Variants in C10orf90 observed in about 807,000 individuals in gnomAD.
C10orf90 encodes the protein (E2-independent) E3 ubiquitin-conjugating enzyme FATS.
In C10orf90, 56 loss-of-function variants were observed where a neutral mutation model predicts 62.5. That is an observed-to-expected ratio of 0.90 (90% CI 0.72 to 1.12). The LOEUF (loss-of-function observed/expected upper bound fraction) is 1.12. C10orf90 is among the 50% of genes most tolerant of loss of function. C10orf90 has a pLI of 0.00. For synonymous variants in C10orf90, 386 were observed against 340.4 expected, an observed-to-expected ratio of 1.13 and a Z score of -1.47; for missense variants, 970 against 880.4, an observed-to-expected ratio of 1.10 and a Z score of -1.29.
Position 126,450,620 on chromosome 10 carries a change from T to G in C10orf90, c.2188+8420A>C, listed in dbSNP as rs547217004. Among the ~76,000 whole-genome samples, 7 of 152,330 alleles carry G rather than the reference T, an allele frequency of 4.6e-5. No individual in the cohort carries two copies. The South Asian group carries it at 1.5e-3, about 32-fold the overall frequency. ...GGAAAATCTCTTCAACAAATTGAGT[T>G]GGGAAGATTGGATATCCACATGCAG... On this transcript the variant is annotated intron_variant, in intron 7 of 9. Transcript: ENST00000488181.
At position 126,531,008 on chromosome 10, in the gene C10orf90, T is replaced by C. The variant is rs576814893; in HGVS notation, c.314-17069A>G. Reference sequence around the variant, plus strand: ...GGCCAACATGGTGAAACCCTGTCTCTACTAAAAATACAAAAATTAGCCGGG... The same window carrying C: ...GGCCAACATGGTGAAACCCTGTCTCCACTAAAAATACAAAAATTAGCCGGG... On this transcript the variant is annotated intron_variant, in intron 2 of 9. Transcript: ENST00000488181. Among the ~76,000 whole-genome samples, 56 of 151,902 alleles carry C rather than the reference T, an allele frequency of 3.7e-4. 1 individual carries two copies. The highest frequency in any genetic ancestry group is 1.1e-3 in the African/African-American group (46 of 41,452).
At chr10:126,570,212 C>T (rs959728414) in intron 2 of C10orf90, among the ~76,000 whole-genome samples, 8 of 152,168 alleles carry the variant, frequency 5.3e-5, no homozygotes, top group East Asian at 1.9e-4. Context: ...TTTATGCCTG[C>T]GACTCAGAAA....
At chr10:126,565,313 T>A (rs1168808309) in intron 2 of C10orf90, among the ~76,000 whole-genome samples, 3 of 59,002 alleles carry the variant, frequency 5.1e-5, no homozygotes, top group Non-Finnish European at 8.4e-5. Flanking sequence ...TATATTATAT[T>A]ATATATATTA....
intron 4 of C10orf90, chr10:126,470,185 C>CTGCACGT (rs1486725640): frequency 2.5e-6 from 1 of 396,508 alleles, no homozygotes; most frequent in Admixed American, 2.7e-5. Flanking sequence ...AGGCATTTTT[C>CTGCACGT]TGCATGTTGC....
chr10:126,477,092 T>C (rs866241352), intron 4 of C10orf90, among the ~76,000 whole-genome samples: 147 of 74,526 alleles, frequency 2.0e-3, no homozygotes, highest in African/African-American at 8.7e-3. Flanking sequence ...TTTTTTTTTT[T>C]TTTTTTTTTT....
At chr10:126,633,361 C>T (rs1473089104) in intron 2 of C10orf90, among the ~76,000 whole-genome samples, 1 of 152,234 alleles carries the variant, frequency 6.6e-6, no homozygotes, top group Non-Finnish European at 1.5e-5. Context: ...AGGTCACCAG[C>T]CCCTGCTGGC....
intron 7 of C10orf90, 74 bp from the exon 8 acceptor site, chr10:126,429,924 A>G (rs1857474911): frequency 7.7e-7 from 1 of 1,306,812 alleles, no homozygotes; most frequent in Non-Finnish European, 1.1e-6. Context: ...CATTGTGATT[A>G]GTTCATAATC....
intron 2 of C10orf90, among the ~76,000 whole-genome samples, chr10:126,530,435 G>C (rs1050836568): frequency 2.6e-5 from 4 of 151,686 alleles, no homozygotes; most frequent in Admixed American, 1.3e-4. Context: ...AGGATAATAA[G>C]AGAACATTAT....
chr10:126,662,701 G>T (rs563474479), intron 1 of C10orf90, among the ~76,000 whole-genome samples: 105 of 152,258 alleles, frequency 6.9e-4, no homozygotes, highest in Non-Finnish European at 1.0e-3. Flanking sequence ...TAAAGAATGT[G>T]CCCAGAGGTC....
intron 2 of C10orf90, among the ~76,000 whole-genome samples, chr10:126,576,676 TAC>T (rs376290611): frequency 0.063 from 2,600 of 40,994 alleles, 668 homozygotes; most frequent in African/African-American, 0.16. Flanking sequence ...TATATATGTA[TAC>T]ATATACATAT....
rs146752309 is a variant in C10orf90 at position 126,651,265 on chromosome 10, T to C, written c.241-4628A>G. On this transcript the variant is annotated intron_variant, in intron 1 of 9. Coordinates refer to ENST00000488181, the MANE Select transcript of C10orf90 (RefSeq NM_001350921.2). ...TCCTAATCTGCAATGCTAACATGCATAAAGCTCTGTATTCCGAGAGTTTTT... is the reference window on the plus strand; with the variant it reads ...TCCTAATCTGCAATGCTAACATGCACAAAGCTCTGTATTCCGAGAGTTTTT... Among the ~76,000 whole-genome samples the C allele has an allele frequency of 1.2e-3, 181 of 152,314 alleles. 4 individuals carry two copies. In the Middle Eastern group the frequency reaches 0.031, roughly 26 times the overall value.
At chr10:126,570,425 C>A (rs1010882502) in intron 2 of C10orf90, among the ~76,000 whole-genome samples, 1 of 152,194 alleles carries the variant, frequency 6.6e-6, no homozygotes, top group African/African-American at 2.4e-5. Context: ...TATTATGACC[C>A]AGTTAGCACA....
At chr10:126,591,439 C>CA (rs1461081790) in intron 2 of C10orf90, among the ~76,000 whole-genome samples, 1 of 152,124 alleles carries the variant, frequency 6.6e-6, no homozygotes, top group Non-Finnish European at 1.5e-5. Context: ...GATCTAAAGA[C>CA]AAAAATCACA....
At chr10:126,432,093 T>A (rs1857605632) in intron 7 of C10orf90, among the ~76,000 whole-genome samples, 1 of 152,186 alleles carries the variant, frequency 6.6e-6, no homozygotes, top group Admixed American at 6.5e-5. Flanking sequence ...TCCTAATGGT[T>A]CCCAAGCTCA....
rs1564840214 is a variant in C10orf90 at position 126,504,569 on chromosome 10, C to CTCCCGA, written c.921_922insTCGGGA (p.Pro307_Glu308insSerGly). The CTCCCGA allele has an allele frequency of 1.2e-6, 2 of 1,614,084 alleles. No individual in the cohort carries two copies. Among genetic ancestry groups the CTCCCGA allele is most frequent in the Non-Finnish European group, 1.7e-6 (2 of 1,180,036 alleles). ...CTCTCACACAACCCAGTGTGGGCCT[C>CTCCCGA]GGGAACCTTCAGCCGCACCACGGAG... On this transcript the variant is annotated inframe_insertion, in exon 4 of 10. Transcript: ENST00000488181. This position sits in a 1 kb window ranked among gnomAD's most constrained non-coding sequence, Gnocchi z 4.1.
intron 2 of C10orf90, among the ~76,000 whole-genome samples, chr10:126,626,115 C>T (rs1421014562): frequency 3.7e-5 from 5 of 135,694 alleles, no homozygotes; most frequent in African/African-American, 1.2e-4. Context: ...GGCAACACAG[C>T]GAGATTCCAT....
At chr10:126,503,420 C>T (rs897212422) in intron 4 of C10orf90, among the ~76,000 whole-genome samples, 1 of 152,130 alleles carries the variant, frequency 6.6e-6, no homozygotes, top group Non-Finnish European at 1.5e-5. Flanking sequence ...TAGAAAATGT[C>T]CTATAATTAT....
chr10:126,600,158 G>A (rs1403313969), intron 2 of C10orf90, among the ~76,000 whole-genome samples: 2 of 151,970 alleles, frequency 1.3e-5, no homozygotes, highest in South Asian at 2.1e-4. Context: ...ACAAGTGTGT[G>A]CGTATCGCAT....
chr10:126,555,380 T>A (rs565345600), intron 2 of C10orf90, among the ~76,000 whole-genome samples: 8 of 152,190 alleles, frequency 5.3e-5, no homozygotes, highest in Non-Finnish European at 8.8e-5. Flanking sequence ...ATACACTGTT[T>A]AAGCTAATCA....
Sources: gnomAD v4.1 joint callset for allele counts (sites outside exome capture counted in the v4.1 genomes callset) on GRCh38, gnomAD v4.1.1 for gene constraint, Gnocchi (gnomAD v3.1) non-coding constraint, MANE v1.5 for transcripts, NCBI Gene and HGNC (gene_info 2026-07-23, HGNC 2026-07-21) for gene names.